FUT8: variants seen among roughly 807,000 people sequenced by gnomAD.
FUT8 encodes fucosyltransferase 8.
A neutral mutation model predicts 71.3 loss-of-function variants in FUT8; 29 were observed. That is an observed-to-expected ratio of 0.41 (90% CI 0.30 to 0.55). The LOEUF is 0.55. FUT8 is among the 20% of genes least tolerant of loss of function. The pLI is 0.34. For synonymous variants in FUT8, 254 were observed against 239.3 expected, an observed-to-expected ratio of 1.06 and a Z score of -0.57; for missense variants, 544 against 702.1, an observed-to-expected ratio of 0.77 and a Z score of 2.55.
chr14:65,514,495 G>T (rs1594722744), intron 2 of FUT8, among the ~76,000 whole-genome samples: 2 of 152,150 alleles, frequency 1.3e-5, no homozygotes, highest in Non-Finnish European at 2.9e-5. Flanking sequence ...CCAAACCCTT[G>T]TTCCTGCTAT....
Position 65,677,151 on chromosome 14 carries a change from T to TGTGTGC in FUT8, c.835+7672_835+7673insTGTGCG. ...GTGTGTGTGTGTGTGTGTGTGTGTG[T>TGTGTGC]GCGCGCGCGCATGCGCGCGCACGTA... On this transcript the variant is annotated intron_variant, in intron 7 of 10. Coordinates refer to ENST00000673929, the MANE Select transcript of FUT8 (RefSeq NM_001371533.1). 6.2e-3 allele frequency among the ~76,000 whole-genome samples: 684 copies of TGTGTGC among 110,696 alleles called. 3 individuals carry two copies. Among genetic ancestry groups the TGTGTGC allele is most frequent in the Middle Eastern group, 0.015 (3 of 202 alleles). 72.6% of individuals were successfully genotyped at this position (110,696 alleles called of 152,430 possible).
chr14:65,508,556 A>G (rs1019678450), intron 2 of FUT8, among the ~76,000 whole-genome samples: 2 of 122,214 alleles, frequency 1.6e-5, no homozygotes, highest in Non-Finnish European at 3.2e-5. Context: ...GCTGGAGTGC[A>G]ATGGCATAAT....
At chr14:65,430,485 T>C (rs2065456495) in intron 1 of FUT8, among the ~76,000 whole-genome samples, 1 of 152,188 alleles carries the variant, frequency 6.6e-6, no homozygotes, top group African/African-American at 2.4e-5. Flanking sequence ...CTTCAAAATA[T>C]TAAAGATCAT....
chr14:65,613,665 C>T (rs1006638008), intron 3 of FUT8, among the ~76,000 whole-genome samples: 14 of 152,182 alleles, frequency 9.2e-5, no homozygotes, highest in African/African-American at 3.4e-4. Context: ...TATAAAATGT[C>T]TCCAATTACT....
At chr14:65,551,255 T>C (rs767282962) in intron 2 of FUT8, among the ~76,000 whole-genome samples, 52 of 152,238 alleles carry the variant, frequency 3.4e-4, no homozygotes, top group Non-Finnish European at 7.1e-4. Flanking sequence ...CACACAGTCA[T>C]ATGCCAAATG....
chr14:65,409,429 G>A (rs1034158999), upstream of FUT8, among the ~76,000 whole-genome samples: 1 of 152,164 alleles, frequency 6.6e-6, no homozygotes, highest in African/African-American at 2.4e-5. The surrounding 1 kb of genome is among the most constrained non-coding windows in gnomAD (Gnocchi z 5.4). Context: ...CCACCTCAAA[G>A]GTTTGATTTG....
chr14:65,375,130 C>A, the FUT8 span, among the ~76,000 whole-genome samples: 3 of 151,952 alleles, frequency 2.0e-5, no homozygotes, highest in Non-Finnish European at 4.4e-5. Flanking sequence ...GTCTGAGAAC[C>A]CTTGTCTTTG....
chr14:65,400,884 CA>C, the FUT8 span, among the ~76,000 whole-genome samples: 5 of 149,794 alleles, frequency 3.3e-5, no homozygotes, highest in African/African-American at 1.2e-4. Flanking sequence ...GACCCTGTCT[CA>C]AAAAAAAAGG....
chr14:65,616,259 C>A lies in FUT8; in HGVS notation c.368C>A (p.Ala123Asp). The change falls in exon 5 of 11, where the codon GCT becomes GAT. Residue 123 changes from alanine (A) to aspartate (D), a missense_variant. Physicochemically the swap from Ala to Asp is moderately radical, Grantham distance 126 (BLOSUM62 -2). Coordinates refer to ENST00000673929, the MANE Select transcript of FUT8 (RefSeq NM_001371533.1). ...EILRRRIENG[A>D]KELWFFLQSE... is the part of the protein sequence containing the mutation. ...CTGAGGAGGAGGATTGAAAATGGAG[C>A]TAAAGAGCTCTGGTTTTTCCTACAG... The A allele has an allele frequency of 6.2e-7, 1 of 1,612,444 alleles. No individual in the cohort carries two copies. The highest frequency in any genetic ancestry group is 8.5e-7 in the Non-Finnish European group (1 of 1,179,242).
Position 65,671,521 on chromosome 14 carries a change from A to C in FUT8, c.835+2041A>C, listed in dbSNP as rs548196503. On this transcript the variant is annotated intron_variant, in intron 7 of 10. Coordinates refer to ENST00000673929, the MANE Select transcript of FUT8 (RefSeq NM_001371533.1). ...TAAATGCCAGAACTCTGGTTAGCAC[A>C]TTCACTTGTACATACCCCCAGTCTA... Among the ~76,000 whole-genome samples the C allele has an allele frequency of 4.6e-5, 7 of 152,302 alleles. No homozygotes were observed. The South Asian group carries it at 1.5e-3, about 32-fold the overall frequency.
the FUT8 span, among the ~76,000 whole-genome samples, chr14:65,386,579 A>G: frequency 3.3e-5 from 5 of 150,972 alleles, no homozygotes; most frequent in African/African-American, 1.2e-4. Context: ...TTTTCTTAAC[A>G]TGCTCATGCC....
At chr14:65,741,220 G>T (rs1303207696) in intron 10 of FUT8, among the ~76,000 whole-genome samples, 1 of 151,722 alleles carries the variant, frequency 6.6e-6, no homozygotes, top group East Asian at 1.9e-4. Flanking sequence ...TTGGACATAG[G>T]GACCTTTTAA....
At chr14:65,399,717 GC>G in the FUT8 span, among the ~76,000 whole-genome samples, 1 of 152,178 alleles carries the variant, frequency 6.6e-6, no homozygotes, top group Non-Finnish European at 1.5e-5. Flanking sequence ...TTAAAATAAG[GC>G]CAAGGAAGGA....
chr14:65,596,652 A>C (rs558633010), intron 3 of FUT8, among the ~76,000 whole-genome samples: 1 of 152,228 alleles, frequency 6.6e-6, no homozygotes, highest in African/African-American at 2.4e-5. Context: ...TTAGGGTAGC[A>C]TAAGAAGAAA....
intron 2 of FUT8, among the ~76,000 whole-genome samples, chr14:65,505,438 A>G (rs575053825): frequency 6.8e-6 from 1 of 147,548 alleles, no homozygotes; most frequent in Non-Finnish European, 1.5e-5. Flanking sequence ...TCAGCCTCCC[A>G]AGTAGCTGGG....
the FUT8 span, among the ~76,000 whole-genome samples, chr14:65,357,915 G>T: frequency 1.3e-5 from 2 of 152,206 alleles, no homozygotes; most frequent in Non-Finnish European, 2.9e-5. Flanking sequence ...AGGACATTAT[G>T]TTAAGTGAAG....
At chr14:65,495,509 T>C (rs2066545480) in intron 2 of FUT8, among the ~76,000 whole-genome samples, 2 of 152,146 alleles carry the variant, frequency 1.3e-5, no homozygotes, top group Non-Finnish European at 2.9e-5. Context: ...GGTCCATTTG[T>C]ATATTGCTCT....
intron 3 of FUT8, among the ~76,000 whole-genome samples, chr14:65,610,640 C>T (rs926701505): frequency 6.6e-6 from 1 of 151,900 alleles, no homozygotes; most frequent in South Asian, 2.1e-4. Flanking sequence ...CCGCCTGCCT[C>T]GGCCTCCCAA....
chr14:65,675,280 T>C (rs566894107), intron 7 of FUT8, among the ~76,000 whole-genome samples: 1 of 152,350 alleles, frequency 6.6e-6, no homozygotes, highest in South Asian at 2.1e-4. Context: ...ATCCTGTAAG[T>C]GCTTCTCAGA....
Sources: allele counts gnomAD v4.1 joint callset (sites outside exome capture counted in the v4.1 genomes callset), GRCh38; gene constraint gnomAD v4.1.1; non-coding constraint Gnocchi (gnomAD v3.1); transcripts MANE v1.5; gene names NCBI Gene and HGNC (gene_info 2026-07-23, HGNC 2026-07-21).